Variants in STAT3 observed in about 807,000 individuals in gnomAD.
STAT3 encodes the protein signal transducer and activator of transcription 3.
A neutral mutation model predicts 114.3 loss-of-function variants in STAT3; 7 were observed. That is an observed-to-expected ratio of 0.06 (90% confidence interval 0.03 to 0.11). STAT3 has a LOEUF of 0.11. Among genes scored for constraint, STAT3 ranks in the 10% least tolerant of loss-of-function variants. The pLI is 1.00. For missense variants in STAT3, 364 were observed against 960.9 expected (o/e 0.38, Z 8.21); for synonymous variants, 331 against 354.5 (o/e 0.93, Z 0.74).
At chr17:42,354,593 G>T (rs928678932) in intron 1 of STAT3, among the ~76,000 whole-genome samples, 1 of 150,894 alleles carries the variant, frequency 6.6e-6, no homozygotes. Context: ...CGGATCACAA[G>T]GTCAGGAGTT....
chr17:42,345,380 T>C (rs1203705176), intron 4 of STAT3, 179 bp downstream of exon 4: 4 of 585,530 alleles, frequency 6.8e-6, no homozygotes, highest in Admixed American at 6.9e-5. Flanking sequence ...AGTTTTTCAA[T>C]GTATTTTGGG....
Position 42,360,549 on chromosome 17 carries a change from C to T in STAT3, c.-23-12010G>A, listed in dbSNP as rs553765144. On this transcript the variant is annotated intron_variant, in intron 1 of 23. Coordinates refer to ENST00000264657, the MANE Select transcript of STAT3 (RefSeq NM_139276.3). ...ATCCCAGCTACTCAGGAGGCTAAGGCAGGGGAATTGCTTGAACCTGGGAGG... is the reference window on the plus strand; with the variant it reads ...ATCCCAGCTACTCAGGAGGCTAAGGTAGGGGAATTGCTTGAACCTGGGAGG... 2.6e-5 allele frequency among the ~76,000 whole-genome samples: 4 copies of T among 151,696 alleles called. No individual in the cohort carries two copies. In the East Asian group the frequency reaches 7.8e-4, roughly 30 times the overall value.
intron 4 of STAT3, among the ~76,000 whole-genome samples, chr17:42,339,856 A>T (rs2082369064): frequency 6.6e-6 from 1 of 152,034 alleles, no homozygotes; most frequent in African/African-American, 2.4e-5. Context: ...GTCAAATAGC[A>T]CATGGAAAAA....
At chr17:42,316,106 C>A in intron 23 of STAT3, 3 of 1,326,378 alleles carry the variant, frequency 2.3e-6, no homozygotes, top group Non-Finnish European at 1.9e-6. Context: ...CCGAGACACA[C>A]GTGGCCACCA....
At chr17:42,354,679 C>G (rs2083142157) in intron 1 of STAT3, among the ~76,000 whole-genome samples, 1 of 150,778 alleles carries the variant, frequency 6.6e-6, no homozygotes, top group Admixed American at 6.6e-5. Flanking sequence ...TGGTGGTGGG[C>G]GCCTGTAGTC....
At chr17:42,323,646 C>G (rs771879649) in intron 17 of STAT3, 21 bp from the exon 18 acceptor site, 28 of 1,612,814 alleles carry the variant, frequency 1.7e-5, no homozygotes, top group Non-Finnish European at 2.0e-5. Flanking sequence ...GAAAAAGAGT[C>G]AAGTAGTACA....
intron 1 of STAT3, among the ~76,000 whole-genome samples, chr17:42,381,580 A>G (rs74601755): frequency 6.6e-6 from 1 of 151,748 alleles, no homozygotes; most frequent in Non-Finnish European, 1.5e-5. Context: ...AAAAAAAAAA[A>G]CATTAGCTGG....
chr17:42,339,214 C>T (rs2082341396), intron 5 of STAT3, 100 bp downstream of exon 5: 1 of 1,156,168 alleles, frequency 8.6e-7, no homozygotes, highest in Non-Finnish European at 1.3e-6. Context: ...TGTGATCATG[C>T]CACTGCAGCC....
chr17:42,345,913 C>T (rs2082680783), intron 3 of STAT3, among the ~76,000 whole-genome samples: 1 of 146,704 alleles, frequency 6.8e-6, no homozygotes. Flanking sequence ...TCACTCTGTC[C>T]GCCAGGCTGG....
At chr17:42,342,671 G>A (rs2082495375) in intron 4 of STAT3, among the ~76,000 whole-genome samples, 1 of 152,138 alleles carries the variant, frequency 6.6e-6, no homozygotes, top group Non-Finnish European at 1.5e-5. Flanking sequence ...TCCCATTGGA[G>A]GAACAGAGAG....
In STAT3 at chr17:42,315,221, A is replaced by T. The variant is rs2144602467; in HGVS notation, c.*524T>A. 4.0e-6 allele frequency: 1 copy of T among 249,578 alleles called. No individual in the cohort carries two copies. Among genetic ancestry groups the T allele is most frequent in the South Asian group, 1.1e-4 (1 of 8,904 alleles). The allele number at this position is 249,578 out of a possible 1,614,324, so 15.5% of individuals were successfully genotyped here. ...TGTTTTTTGCCCTTTAATTGTTATT[A>T]TTTCTTAATTTAAAAAGAAACCTAG... On this transcript the variant is annotated 3_prime_UTR_variant, in exon 24 of 24. Coordinates refer to ENST00000264657, the MANE Select transcript of STAT3 (RefSeq NM_139276.3).
intron 1 of STAT3, among the ~76,000 whole-genome samples, chr17:42,386,005 G>C (rs1396926903): frequency 6.6e-6 from 1 of 152,030 alleles, no homozygotes; most frequent in Non-Finnish European, 1.5e-5. Flanking sequence ...ATACTTACTG[G>C]GCGCGGTGGC....
At chr17:42,348,282 T>C (rs1265107962) in intron 2 of STAT3, 107 bp downstream of exon 2, 13 of 1,491,560 alleles carry the variant, frequency 8.7e-6, no homozygotes, top group African/African-American at 4.1e-5. Flanking sequence ...CCATCACCTG[T>C]ACCCATACAT....
At chr17:42,344,678 C>T (rs2082613058) in intron 4 of STAT3, among the ~76,000 whole-genome samples, 1 of 150,420 alleles carries the variant, frequency 6.6e-6, no homozygotes, top group South Asian at 2.1e-4. Flanking sequence ...AAGATGGCAC[C>T]ACTGCACTCC....
intron 8 of STAT3, among the ~76,000 whole-genome samples, chr17:42,334,980 AT>A (rs2082173280): frequency 6.6e-6 from 1 of 152,160 alleles, no homozygotes; most frequent in African/African-American, 2.4e-5. Flanking sequence ...AGAAAAAGAG[AT>A]TAGACAGCTC....
rs2082111236 is a variant in STAT3 at position 42,333,580 on chromosome 17, C to G, written c.1049+93G>C. The G allele has an allele frequency of 7.0e-7, 1 of 1,426,204 alleles. No individual in the cohort carries two copies. The highest frequency in any genetic ancestry group is 1.2e-5 in the South Asian group (1 of 85,134). The allele number at this position is 1,426,204 out of a possible 1,614,324, so 88.3% of individuals were successfully genotyped here. The stretch of plus-strand genomic sequence containing the variant: ...CAGTGTACTGCCTGTGACACCACAC[C>G]TGGAAAGAATGACCCTGGCCACCAA... On this transcript the variant is annotated intron_variant, in intron 10 of 23. Coordinates refer to ENST00000264657, the MANE Select transcript of STAT3 (RefSeq NM_139276.3). The surrounding 1 kb of genome is among the most constrained non-coding windows in gnomAD (Gnocchi z 5.2).
chr17:42,359,286 A>C (rs1331229799), intron 1 of STAT3, among the ~76,000 whole-genome samples: 1 of 152,186 alleles, frequency 6.6e-6, no homozygotes, highest in East Asian at 1.9e-4. Flanking sequence ...AAAGCAGGTT[A>C]ATCCATCAGA....
At chr17:42,384,120 A>ATTT (rs1369350071) in intron 1 of STAT3, among the ~76,000 whole-genome samples, 1 of 81,994 alleles carries the variant, frequency 1.2e-5, no homozygotes, top group African/African-American at 3.5e-5. Flanking sequence ...TTATTTATTT[A>ATTT]TTTATTTATT....
chr17:42,352,260 A>G (rs912598836), intron 1 of STAT3, among the ~76,000 whole-genome samples: 5 of 151,254 alleles, frequency 3.3e-5, no homozygotes, highest in African/African-American at 1.2e-4. Flanking sequence ...AATCACTTGA[A>G]CCCGGGAGGT....
Sources: allele counts gnomAD v4.1 joint callset (sites outside exome capture counted in the v4.1 genomes callset), GRCh38; gene constraint gnomAD v4.1.1; non-coding constraint Gnocchi (gnomAD v3.1); transcripts MANE v1.5; gene names NCBI Gene and HGNC (gene_info 2026-07-23, HGNC 2026-07-21).